Variants in RGPD1 observed in about 807,000 individuals in gnomAD.
RGPD1 encodes the protein RANBP2-like and GRIP domain-containing protein 1.
Under a neutral mutation model 40.6 loss-of-function variants are expected in RGPD1, and 7 were observed. That is an observed-to-expected ratio of 0.17 (90% confidence interval 0.10 to 0.32). The LOEUF (loss-of-function observed/expected upper bound fraction) is 0.32, where lower values mean the gene tolerates loss of function less well. Among genes scored for constraint, RGPD1 ranks in the 10% least tolerant of loss-of-function variants. RGPD1 has a pLI of 1.00. For missense variants in RGPD1, 50 were observed against 472.5 expected (o/e 0.11, Z 8.29); for synonymous variants, 24 against 167.0 (o/e 0.14, Z 6.60).
chr2:87,000,508 A>G (rs1441109596), intron 22 of RGPD1, among the ~76,000 whole-genome samples: 2 of 95,864 alleles, frequency 2.1e-5, no homozygotes, highest in Non-Finnish European at 2.0e-5. Flanking sequence ...TCCTGTAAAC[A>G]GACAGGAAAA....
chr2:86,915,337 TTTTTCA>T (rs1677743349), intron 1 of RGPD1, among the ~76,000 whole-genome samples: 1 of 150,214 alleles, frequency 6.7e-6, no homozygotes, highest in South Asian at 2.1e-4. Context: ...CAAGAATAAC[TTTTTCA>T]TTTTAGGAAT....
intron 1 of RGPD1, among the ~76,000 whole-genome samples, chr2:86,927,062 G>A (rs1208780100): frequency 1.3e-5 from 2 of 152,124 alleles, no homozygotes; most frequent in Non-Finnish European, 1.5e-5. Flanking sequence ...TTTGTGAAAT[G>A]AAGTAGTTGC....
chr2:86,944,598 A>G (rs1284338457), intron 1 of RGPD1, among the ~76,000 whole-genome samples: 6 of 152,008 alleles, frequency 3.9e-5, no homozygotes, highest in Non-Finnish European at 7.4e-5. Context: ...TTTTTGGTAG[A>G]GACTGGGTTT....
chr2:86,942,231 G>A lies in RGPD1; in HGVS notation c.-6G>A. On this transcript the variant is annotated 5_prime_UTR_variant, in exon 1 of 23. Coordinates refer to ENST00000641458, the MANE Select transcript of RGPD1 (RefSeq NM_001382344.1). ...CACGCGTCTCGGGAGCCAGGTTGGCGGTGCGATGAGGCGCAGCAAGGCCTA... is the reference window on the plus strand; with the variant it reads ...CACGCGTCTCGGGAGCCAGGTTGGCAGTGCGATGAGGCGCAGCAAGGCCTA... 3.7e-6 allele frequency: 6 copies of A among 1,603,742 alleles called. No homozygotes were observed. The highest frequency in any genetic ancestry group is 4.5e-5 in the East Asian group (2 of 44,508).
intron 4 of RGPD1, among the ~76,000 whole-genome samples, chr2:86,954,726 A>G (rs1390747214): frequency 1.3e-5 from 2 of 149,048 alleles, no homozygotes; most frequent in Non-Finnish European, 3.0e-5. Flanking sequence ...CCAAAGCACA[A>G]TATCAAAATC....
chr2:86,943,874 C>T (rs1423918086), intron 1 of RGPD1, among the ~76,000 whole-genome samples: 3 of 151,932 alleles, frequency 2.0e-5, no homozygotes, highest in Non-Finnish European at 4.4e-5. Context: ...GTTAGCCGGG[C>T]GTGGTGGTGC....
rs771055052 is a variant in RGPD1, at chr2:87,011,709, TAAAAC to T, written c.5237-788_5237-784del. Among the ~76,000 whole-genome samples the T allele has an allele frequency of 8.4e-5, 9 of 106,808 alleles. 2 individuals are homozygous for T. The highest frequency in any genetic ancestry group is 6.9e-4 in the South Asian group (2 of 2,898). The allele number at this position is 106,808 out of a possible 152,430, so 70.1% of individuals were successfully genotyped here. ...CAGATGAGAAGACTGAGTGGCAACG[TAAAAC>T]AAAACAAAACAAAACTTGCCTAAGC... On this transcript the variant is annotated intron_variant, in intron 22 of 22. Transcript: ENST00000641458.
chr2:86,918,196 T>A (rs1447921045), intron 1 of RGPD1, among the ~76,000 whole-genome samples: 3 of 151,092 alleles, frequency 2.0e-5, no homozygotes, highest in Non-Finnish European at 3.0e-5. Flanking sequence ...ACTTATACCA[T>A]CTACTCTGTT....
At chr2:86,942,741 G>A (rs1392633323) in intron 1 of RGPD1, among the ~76,000 whole-genome samples, 2 of 150,704 alleles carry the variant, frequency 1.3e-5, no homozygotes, top group Non-Finnish European at 3.0e-5. Context: ...AGGCGTCATG[G>A]CTCCTGACGG....
At chr2:86,978,096 T>G (rs1375897730) in intron 17 of RGPD1, among the ~76,000 whole-genome samples, 165 bp downstream of exon 17, 3 of 127,210 alleles carry the variant, frequency 2.4e-5, no homozygotes. Flanking sequence ...AGGCAGGGTC[T>G]TGTTGTGCAG....
intron 1 of RGPD1, among the ~76,000 whole-genome samples, chr2:86,919,825 C>G (rs1678011097): frequency 6.9e-6 from 1 of 144,410 alleles, no homozygotes; most frequent in Non-Finnish European, 1.5e-5. Flanking sequence ...CCTCCCCCAA[C>G]TGGAATGTAA....
upstream of RGPD1, among the ~76,000 whole-genome samples, chr2:86,939,576 C>T (rs1182097610): frequency 8.3e-6 from 1 of 120,670 alleles, no homozygotes; most frequent in African/African-American, 3.7e-5. Context: ...GAAACTCCGT[C>T]TCAAAAAAAA....
chr2:86,927,074 C>G (rs548369982), intron 1 of RGPD1, among the ~76,000 whole-genome samples: 2 of 152,130 alleles, frequency 1.3e-5, no homozygotes, highest in East Asian at 1.9e-4. Flanking sequence ...AGTAGTTGCA[C>G]TAGATCATTT....
intron 1 of RGPD1, among the ~76,000 whole-genome samples, chr2:86,935,992 A>G: frequency 7.4e-6 from 1 of 135,042 alleles, no homozygotes; most frequent in East Asian, 2.3e-4. Flanking sequence ...TATCAAAAAC[A>G]AATTTGTTGG....
At chr2:86,943,769 G>A (rs1350270625) in intron 1 of RGPD1, among the ~76,000 whole-genome samples, 1 of 152,184 alleles carries the variant, frequency 6.6e-6, no homozygotes, top group African/African-American at 2.4e-5. Flanking sequence ...CCACCACTTT[G>A]GGAGGCCGAG....
At chr2:86,944,795 C>T (rs1006143521) in intron 1 of RGPD1, among the ~76,000 whole-genome samples, 3 of 152,074 alleles carry the variant, frequency 2.0e-5, no homozygotes, top group Non-Finnish European at 2.9e-5. Flanking sequence ...GCAGCGTTGA[C>T]GTCCTGGGCT....
In RGPD1 at chr2:86,930,667, C is replaced by T. The variant is rs149973466; in HGVS notation, c.72+16746C>T. The T allele has an allele frequency of 7.9e-5, 128 of 1,610,118 alleles. 1 individual carries two copies. Among genetic ancestry groups the T allele is most frequent in the African/African-American group, 2.7e-5 (2 of 73,862 alleles). ...CAGAGGTAGGGCTGGTTGTTCACTC[C>T]TGGGCACAGCTCTCGAAGCTGCTGT... is the stretch of plus-strand genomic sequence containing the variant. On this transcript the variant is annotated intron_variant, in intron 1 of 22. Transcript: ENST00000398193.
chr2:86,944,131 C>A (rs1057099032), intron 1 of RGPD1, among the ~76,000 whole-genome samples: 13 of 152,236 alleles, frequency 8.5e-5, no homozygotes, highest in African/African-American at 3.1e-4. Context: ...CTTCCAGCAA[C>A]CCTGTGGATA....
At chr2:86,924,518 T>C (rs1000701238) in intron 1 of RGPD1, among the ~76,000 whole-genome samples, 1 of 150,802 alleles carries the variant, frequency 6.6e-6, no homozygotes, top group Non-Finnish European at 1.5e-5. Context: ...TACGCCGGAC[T>C]GCAGTGATGC....
Sources: allele counts gnomAD v4.1 joint callset (sites outside exome capture counted in the v4.1 genomes callset), GRCh38; gene constraint gnomAD v4.1.1; transcripts MANE v1.5; gene names NCBI Gene and HGNC (gene_info 2026-07-23, HGNC 2026-07-21).